DYNC1H1: variants seen among roughly 807,000 people sequenced by gnomAD.
DYNC1H1 encodes the protein dynein cytoplasmic 1 heavy chain 1, also known as cytoplasmic dynein 1 heavy chain 1.
In DYNC1H1, 51 loss-of-function variants were observed where a neutral mutation model predicts 527.1. The observed-to-expected ratio is 0.10, with a 90% CI of 0.08 to 0.12. DYNC1H1 has a LOEUF of 0.12. DYNC1H1 is among the 10% of genes least tolerant of loss of function. The probability of loss-of-function intolerance (pLI) is 1.00; values close to 1 mark genes in which losing one functional copy is unlikely to be tolerated. For missense variants in DYNC1H1, 2,771 were observed against 5,971.8 expected (o/e 0.46, Z 17.66); for synonymous variants, 2,189 against 2,278.8 (o/e 0.96, Z 1.12).
At position 102,050,507 on chromosome 14, in the gene DYNC1H1, AAGG is replaced by A. The variant is rs2152601717; in HGVS notation, c.13890_13892del (p.Glu4630del). The A allele has an allele frequency of 9.9e-6, 16 of 1,614,132 alleles. No homozygotes were observed. The highest frequency in any genetic ancestry group is 1.4e-5 in the Non-Finnish European group (16 of 1,180,022). On this transcript the variant is annotated inframe_deletion, in exon 78 of 78. Coordinates refer to ENST00000360184, the MANE Select transcript of DYNC1H1 (RefSeq NM_001376.5). ...CACCGTGGACTTCGAAATTGCTACA[AAGG>A]AGGATCCTCGCAGCTTCTACGAGCG...
At position 102,011,785 on chromosome 14, in the gene DYNC1H1, T is replaced by C. The variant is rs2048261796; in HGVS notation, c.6619-90T>C. On this transcript the variant is annotated intron_variant, in intron 32 of 77. Coordinates refer to ENST00000360184, the MANE Select transcript of DYNC1H1 (RefSeq NM_001376.5). The surrounding 1 kb of genome is among the most constrained non-coding windows in gnomAD (Gnocchi z 5.3). ...AAAAAAAATCCACACATAATGTTTC[T>C]TGCTCACTTTCACAAGAGGTGGCTG... 1 of 1,386,268 alleles carries C rather than the reference T, an allele frequency of 7.2e-7. No individual in the cohort carries two copies. Among genetic ancestry groups the C allele is most frequent in the East Asian group, 2.3e-5 (1 of 43,744 alleles). 85.9% of individuals were successfully genotyped at this position (1,386,268 alleles called of 1,614,324 possible). A position where few individuals can be genotyped will look rare whatever the true frequency, so the allele number is the denominator to read the frequency against.
rs764689622 is a variant in DYNC1H1, at chr14:102,027,348, G to C, written c.8887-35G>C. The stretch of plus-strand genomic sequence containing the variant: ...CAGATGTGTGTGCAGAGCTCAGTGA[G>C]TAGGAATGGACCTAACTTGCCTCTG... On this transcript the variant is annotated intron_variant, in intron 45 of 77. Coordinates refer to ENST00000360184, the MANE Select transcript of DYNC1H1 (RefSeq NM_001376.5). This position sits in a 1 kb window ranked among gnomAD's most constrained non-coding sequence, Gnocchi z 7.7. The C allele has an allele frequency of 1.2e-6, 2 of 1,614,110 alleles. No individual in the cohort carries two copies. Among genetic ancestry groups the C allele is most frequent in the East Asian group, 2.2e-5 (1 of 44,872 alleles).
At chr14:102,013,299 C>A (rs1427097971) in intron 34 of DYNC1H1, among the ~76,000 whole-genome samples, 1 of 148,198 alleles carries the variant, frequency 6.7e-6, no homozygotes, top group Admixed American at 6.7e-5. Flanking sequence ...CCCTTGCTCA[C>A]GTGTGATGCA....
In DYNC1H1 at chr14:102,054,456, CAAAG is replaced by C. The variant is rs74264738; in HGVS notation, c.*3894_*3897del. ...TTCAAAGGTGCCCATTGCCTGTTCT[CAAAG>C]CAATGCACCTGAGAAGCAGTGGCAG... On this transcript the variant is annotated 3_prime_UTR_variant, in exon 78 of 78. Coordinates refer to ENST00000360184, the MANE Select transcript of DYNC1H1 (RefSeq NM_001376.5). 0.021 allele frequency: 3,154 copies of C among 152,044 alleles called. 50 individuals carry two copies. The highest frequency in any genetic ancestry group is 0.044 in the South Asian group (210 of 4,816). 9.4% of individuals were successfully genotyped at this position (152,044 alleles called of 1,614,324 possible).
rs550898093 is a variant in DYNC1H1 at position 102,044,852 on chromosome 14, C to G, written c.13006+154C>G. 1.1e-4 allele frequency: 91 copies of G among 861,826 alleles called. No individual in the cohort carries two copies. The East Asian group carries it at 1.3e-3, about 13-fold the overall frequency. 53.4% of individuals were successfully genotyped at this position (861,826 alleles called of 1,614,324 possible). ...TGGGTGTGGCTCTGTCAGCCTCGGC[C>G]TTCCTGCCAGTCTCCAGCTGCTCCT... is the stretch of plus-strand genomic sequence containing the variant. On this transcript the variant is annotated intron_variant, in intron 72 of 77. Transcript: ENST00000360184. The surrounding 1 kb of genome is among the most constrained non-coding windows in gnomAD (Gnocchi z 7.1).
intron 1 of DYNC1H1, among the ~76,000 whole-genome samples, chr14:101,974,490 A>T (rs2047777750): frequency 6.6e-6 from 1 of 152,214 alleles, no homozygotes; most frequent in Non-Finnish European, 1.5e-5. Flanking sequence ...TTTTGCCAAC[A>T]TATATTTCAT....
intron 23 of DYNC1H1, among the ~76,000 whole-genome samples, chr14:102,003,459 G>A (rs924900248): frequency 1.3e-5 from 2 of 151,762 alleles, no homozygotes; most frequent in African/African-American, 4.8e-5. Flanking sequence ...ATGGGTTTTC[G>A]CCATGTTGGT....
rs896475898 is a variant in DYNC1H1, at chr14:102,009,712, C to T, written c.5978-131C>T. ...CCCCGAAGAAAGGCCAAAGAGCAGC[C>T]CCCGAGGAAGCGTCTACTTCAGCTC... On this transcript the variant is annotated intron_variant, in intron 29 of 77. Coordinates refer to ENST00000360184, the MANE Select transcript of DYNC1H1 (RefSeq NM_001376.5). The T allele has an allele frequency of 2.8e-6, 4 of 1,435,192 alleles. No homozygotes were observed. In the South Asian group the frequency reaches 3.7e-5, roughly 13 times the overall value. The allele number at this position is 1,435,192 out of a possible 1,614,324, so 88.9% of individuals were successfully genotyped here. A position where few individuals can be genotyped will look rare whatever the true frequency, so the allele number is the denominator to read the frequency against.
intron 1 of DYNC1H1, 74 bp from the exon 2 acceptor site, chr14:101,975,638 C>CA: frequency 7.4e-7 from 1 of 1,346,526 alleles, no homozygotes; most frequent in Non-Finnish European, 1.1e-6. Flanking sequence ...AGAAAATAGT[C>CA]ATTGTCTAAG....
At position 102,016,311 on chromosome 14, in the gene DYNC1H1, AT is replaced by A; in HGVS notation, c.7474-34del. The A allele has an allele frequency of 1.2e-6, 2 of 1,613,182 alleles. No homozygotes were observed. ...TAAGTGTCTTTCTTTTGTTGTTGAAATTTTATAAAAATCAAAGTTTAATTCC... is the reference window on the plus strand; with the variant it reads ...TAAGTGTCTTTCTTTTGTTGTTGAAATTTATAAAAATCAAAGTTTAATTCC... On this transcript the variant is annotated intron_variant, in intron 36 of 77. Coordinates refer to ENST00000360184, the MANE Select transcript of DYNC1H1 (RefSeq NM_001376.5). This position sits in a 1 kb window ranked among gnomAD's most constrained non-coding sequence, Gnocchi z 7.3.
Position 102,052,002 on chromosome 14 carries a change from A to AT in DYNC1H1, c.*1445dup, listed in dbSNP as rs968183631. The AT allele has an allele frequency of 2.6e-5, 4 of 152,080 alleles. No homozygotes were observed. Among genetic ancestry groups the AT allele is most frequent in the East Asian group, 1.9e-4 (1 of 5,160 alleles). The allele number at this position is 152,080 out of a possible 1,614,324, so 9.4% of individuals were successfully genotyped here. A position where few individuals can be genotyped will look rare whatever the true frequency, so the allele number is the denominator to read the frequency against. On this transcript the variant is annotated 3_prime_UTR_variant, in exon 78 of 78. Transcript: ENST00000360184. ...CCACTGCACCTGGCCAAATTTTTGT[A>AT]TTTTTTGTAGAGATGGAATCTCGCT...
Position 102,012,117 on chromosome 14 carries a change from C to T in DYNC1H1, c.6857+4C>T, listed in dbSNP as rs374773368. The T allele has an allele frequency of 7.4e-6, 12 of 1,614,020 alleles. No individual in the cohort carries two copies. The highest frequency in any genetic ancestry group is 6.8e-6 in the Non-Finnish European group (8 of 1,180,004). On this transcript the variant is annotated splice_donor_region_variant and intron_variant, in intron 33 of 77. Transcript: ENST00000360184. The surrounding 1 kb of genome is among the most constrained non-coding windows in gnomAD (Gnocchi z 4.9). ...TCTTCACACACGTGCTGAGAAAGTA[C>T]GTCTTCTTTGATCTGTGTTTGTGTT...
intron 18 of DYNC1H1, 100 bp from the exon 19 acceptor site, chr14:102,000,854 T>C: frequency 9.1e-7 from 1 of 1,093,142 alleles, no homozygotes; most frequent in South Asian, 1.2e-5. Context: ...ATTACAGGCA[T>C]GAGCCACCGC....
At chr14:101,994,592 A>G (rs1235309699) in intron 12 of DYNC1H1, 81 bp from the exon 13 acceptor site, 4 of 1,555,512 alleles carry the variant, frequency 2.6e-6, no homozygotes, top group Non-Finnish European at 3.5e-6. Flanking sequence ...AACCTTCTTA[A>G]TGGAATGTGA....
Position 102,036,480 on chromosome 14 carries a change from C to T in DYNC1H1, c.10755-9C>T, listed in dbSNP as rs778936862. 1.9e-6 allele frequency: 3 copies of T among 1,613,444 alleles called. No individual in the cohort carries two copies. Among genetic ancestry groups the T allele is most frequent in the South Asian group, 2.2e-5 (2 of 91,034 alleles). On this transcript the variant is annotated splice_polypyrimidine_tract_variant and intron_variant, in intron 56 of 77. Transcript: ENST00000360184. The surrounding 1 kb of genome is among the most constrained non-coding windows in gnomAD (Gnocchi z 5.6). ...GTTTCAACCTTCTCTTCTGTGGCCTCATCCTCAGGTATCCGCTGATCATTG... is the reference window on the plus strand; with the variant it reads ...GTTTCAACCTTCTCTTCTGTGGCCTTATCCTCAGGTATCCGCTGATCATTG...
chr14:102,004,722 T>C (rs1172136475), intron 24 of DYNC1H1, 39 bp downstream of exon 24: 1 of 1,614,200 alleles, frequency 6.2e-7, no homozygotes, highest in Non-Finnish European at 8.5e-7. Flanking sequence ...TTCTCTCACA[T>C]TTTTGCATAC....
At position 102,000,281 on chromosome 14, in the gene DYNC1H1, C is replaced by T. The variant is rs759907778; in HGVS notation, c.3961-5C>T. On this transcript the variant is annotated splice_region_variant and splice_polypyrimidine_tract_variant and intron_variant, in intron 17 of 77. Coordinates refer to ENST00000360184, the MANE Select transcript of DYNC1H1 (RefSeq NM_001376.5). ...AGTCAACTGCTTTACTATTCTCAAT[C>T]GCAGGTGGCCTTAGAAGAATTACAG... 8.1e-6 allele frequency: 13 copies of T among 1,613,992 alleles called. No homozygotes were observed. Among genetic ancestry groups the T allele is most frequent in the South Asian group, 2.2e-5 (2 of 91,074 alleles).
In DYNC1H1 at chr14:101,991,069, G is replaced by A. The variant is rs567263687; in HGVS notation, c.2869-458G>A. 2.0e-5 allele frequency among the ~76,000 whole-genome samples: 3 copies of A among 152,064 alleles called. No homozygotes were observed. In the East Asian group the frequency reaches 5.8e-4, roughly 29 times the overall value. ...ATGATGGTGCACGCCTGTGGTCCCG[G>A]CTACTTGAGGGGCTGAGGCGGGAGG... On this transcript the variant is annotated intron_variant, in intron 10 of 77. Coordinates refer to ENST00000360184, the MANE Select transcript of DYNC1H1 (RefSeq NM_001376.5).
intron 34 of DYNC1H1, among the ~76,000 whole-genome samples, chr14:102,014,843 G>A (rs1194194986): frequency 6.6e-6 from 1 of 151,884 alleles, no homozygotes; most frequent in Non-Finnish European, 1.5e-5. Flanking sequence ...TTTGAGACAG[G>A]TTTTCACTGT....
Sources: gnomAD v4.1 joint callset for allele counts (sites outside exome capture counted in the v4.1 genomes callset) on GRCh38, gnomAD v4.1.1 for gene constraint, Gnocchi (gnomAD v3.1) non-coding constraint, MANE v1.5 for transcripts, NCBI Gene and HGNC (gene_info 2026-07-23, HGNC 2026-07-21) for gene names.